The following TRIM32 variants were observed in gnomAD, a reference collection of about 807,000 sequenced individuals.
The protein encoded by TRIM32 is tripartite motif containing 32.
Under a neutral mutation model 36.0 loss-of-function variants are expected in TRIM32, and 19 were observed. The observed-to-expected ratio is 0.53, with a 90% confidence interval of 0.37 to 0.77. The LOEUF is 0.77. Ranked by LOEUF, TRIM32 falls within the 30% of genes least tolerant of loss-of-function variation. TRIM32 has a pLI of 0.00. For synonymous variants in TRIM32, 309 were observed against 318.5 expected (o/e 0.97, Z 0.32); for missense variants, 747 against 845.2 (o/e 0.88, Z 1.44).
chr9:116,690,053 T>A (rs1056915043), intron 1 of TRIM32, among the ~76,000 whole-genome samples: 2 of 152,170 alleles, frequency 1.3e-5, no homozygotes, highest in Non-Finnish European at 2.9e-5. Flanking sequence ...AGCTAGACTG[T>A]GTCTGACAGC....
intron 1 of TRIM32, among the ~76,000 whole-genome samples, chr9:116,690,157 A>G (rs1239049060): frequency 6.6e-6 from 1 of 152,196 alleles, no homozygotes; most frequent in Non-Finnish European, 1.5e-5. Flanking sequence ...CTAATTTCCT[A>G]TGTTACCTTG....
At position 116,698,156 on chromosome 9, in the gene TRIM32, CAAAG is replaced by C; in HGVS notation, c.417_420del (p.Glu140GlnfsTer13). On this transcript the variant is annotated frameshift_variant, in exon 2 of 2. Coordinates refer to ENST00000450136, the MANE Select transcript of TRIM32 (RefSeq NM_012210.4). LOFTEE classifies it high-confidence loss of function. This position sits in a 1 kb window ranked among gnomAD's most constrained non-coding sequence, Gnocchi z 4.4. Reference sequence around the variant, plus strand: ...CTCCTGGCCACTGTACACTCCCTGTCAAAGAAGCAGCTGAGGAGCGGCGTCGGGA... The same window carrying C: ...CTCCTGGCCACTGTACACTCCCTGTCAAGCAGCTGAGGAGCGGCGTCGGGA... 1 of 1,614,126 alleles carries C rather than the reference CAAAG, an allele frequency of 6.2e-7. No homozygotes were observed. The highest frequency in any genetic ancestry group is 8.5e-7 in the Non-Finnish European group (1 of 1,180,024).
At chr9:116,687,524 A>C (rs2132040241) in intron 1 of TRIM32, 143 bp downstream of exon 1, 1 of 30,934 alleles carries the variant, frequency 3.2e-5, no homozygotes, top group Admixed American at 4.6e-4. Flanking sequence ...TGGGGGGGGC[A>C]GGACTAGGGT....
At chr9:116,695,664 A>G (rs1860810040) in intron 1 of TRIM32, among the ~76,000 whole-genome samples, 1 of 152,204 alleles carries the variant, frequency 6.6e-6, no homozygotes, top group Non-Finnish European at 1.5e-5. Flanking sequence ...ATACAGCTGT[A>G]GGATTTGCGT....
chr9:116,699,608 A>G lies in TRIM32; in HGVS notation c.1866A>G (p.Ile622Met). 6.2e-7 allele frequency: 1 copy of G among 1,614,212 alleles called. No individual in the cohort carries two copies. The highest frequency in any genetic ancestry group is 8.5e-7 in the Non-Finnish European group (1 of 1,180,028). Residue 622 changes from isoleucine to methionine, a missense_variant, in exon 2 of 2, where the codon ATA (isoleucine) becomes ATG (methionine). Ile to Met is a conservative substitution (Grantham distance 10). Coordinates refer to ENST00000450136, the MANE Select transcript of TRIM32 (RefSeq NM_012210.4). This position sits in a 1 kb window ranked among gnomAD's most constrained non-coding sequence, Gnocchi z 4.2. ...AGGGACTTACCTGTCCGGTGGGCAT[A>G]GCCCTAACTCCTAAGGGGCAGCTGC... ...IREGLTCPVG[I>M]ALTPKGQLLV...
Position 116,687,384 on chromosome 9 carries a change from A to T in TRIM32, c.-82+3A>T. 86 of 115,158 alleles carry T rather than the reference A, an allele frequency of 7.5e-4. No individual in the cohort carries two copies. The highest frequency in any genetic ancestry group is 1.3e-3 in the Non-Finnish European group (80 of 62,024). The allele number at this position is 115,158 out of a possible 1,614,324, so 7.1% of individuals were successfully genotyped here. A position where few individuals can be genotyped will look rare whatever the true frequency, so the allele number is the denominator to read the frequency against. On this transcript the variant is annotated splice_donor_region_variant and intron_variant, in intron 1 of 1. Coordinates refer to ENST00000450136, the MANE Select transcript of TRIM32 (RefSeq NM_012210.4). ...TCGTCGGAGCCGCGGGCGGTCAGGTAGGGGGCGGGAAGGAGGGTTGGGGAC... is the reference window on the plus strand; with the variant it reads ...TCGTCGGAGCCGCGGGCGGTCAGGTTGGGGGCGGGAAGGAGGGTTGGGGAC...
Position 116,699,685 on chromosome 9 carries a change from G to A in TRIM32, c.1943G>A (p.Arg648Lys). 1.2e-6 allele frequency: 2 copies of A among 1,614,212 alleles called. No homozygotes were observed. Among genetic ancestry groups the A allele is most frequent in the South Asian group, 1.1e-5 (1 of 91,076 alleles). Reference protein sequence around the residue: ...HCIKIYSYHLRRYSTP With the variant: ...HCIKIYSYHLKRYSTP ...ATCAAGATCTACAGCTACCATCTGA[G>A]AAGATATTCCACCCCATAGGGGATG... The change falls in exon 2 of 2, where the codon AGA (arginine) becomes AAA (lysine). Residue 648 changes from arginine (R) to lysine (K), a missense_variant. Physicochemically the swap from Arg to Lys is conservative, Grantham distance 26. Coordinates refer to ENST00000450136, the MANE Select transcript of TRIM32 (RefSeq NM_012210.4). The surrounding 1 kb of genome is among the most constrained non-coding windows in gnomAD (Gnocchi z 4.2).
Position 116,698,558 on chromosome 9 carries a change from G to T in TRIM32, c.816G>T (p.Glu272Asp). 6.2e-7 allele frequency: 1 copy of T among 1,613,968 alleles called. No individual in the cohort carries two copies. Among genetic ancestry groups the T allele is most frequent in the Non-Finnish European group, 8.5e-7 (1 of 1,180,014 alleles). Residue 272 changes from glutamate (E) to aspartate (D), a missense_variant, in exon 2 of 2, where the codon GAG becomes GAT. Transcript: ENST00000450136. This position sits in a 1 kb window ranked among gnomAD's most constrained non-coding sequence, Gnocchi z 4.4. The stretch of plus-strand genomic sequence containing the variant: ...AGCTCACTGCCAGCTTGCCTCGGGA[G>T]CTCACCCTGCAAGATGTGGAGCTCC... Reference protein sequence around the residue: ...EPELTASLPRELTLQDVELLK... With the variant: ...EPELTASLPRDLTLQDVELLK...
intron 1 of TRIM32, among the ~76,000 whole-genome samples, chr9:116,695,477 G>C (rs1390161790): frequency 6.6e-6 from 1 of 152,188 alleles, no homozygotes; most frequent in Admixed American, 6.5e-5. Context: ...GTAGAAATTT[G>C]TTGTAATGTA....
rs2132072067 is a variant in TRIM32, at chr9:116,698,282, G to A, written c.540G>A (p.Arg180=). 1 of 1,614,164 alleles carries A rather than the reference G, an allele frequency of 6.2e-7. No homozygotes were observed. The highest frequency in any genetic ancestry group is 8.5e-7 in the Non-Finnish European group (1 of 1,180,026). The change falls in exon 2 of 2, where the codon AGG becomes AGA. Residue 180 remains arginine (R), a synonymous_variant. Transcript: ENST00000450136. This position sits in a 1 kb window ranked among gnomAD's most constrained non-coding sequence, Gnocchi z 4.4. ...GTGTCTCCAAGGACCTTCAGGCAAG[G>A]TATAAAGCAGTTCTCCAGGAGTATG... ...LEGVSKDLQA[R]YKAVLQEYGH...
In TRIM32 at chr9:116,698,610, C is replaced by T. The variant is rs1272966742; in HGVS notation, c.868C>T (p.Gln290Ter). ...LLKVGHVGPLQIGQAVKKPRT... is the reference protein window; with the variant it reads ...LLKVGHVGPL ...TAAGGTAGGTCATGTTGGCCCCCTC[C>T]AAATTGGACAAGCTGTTAAGAAGCC... The change falls in exon 2 of 2, where the codon CAA becomes TAA. Residue 290 changes from glutamine (Q) to a stop codon, truncating the protein, a stop_gained. Transcript: ENST00000450136. LOFTEE classifies it high-confidence loss of function. This position sits in a 1 kb window ranked among gnomAD's most constrained non-coding sequence, Gnocchi z 4.4. The T allele has an allele frequency of 1.9e-6, 3 of 1,614,098 alleles. No homozygotes were observed. Among genetic ancestry groups the T allele is most frequent in the Non-Finnish European group, 2.5e-6 (3 of 1,180,024 alleles).
chr9:116,687,846 G>A (rs928601831), intron 1 of TRIM32, among the ~76,000 whole-genome samples: 2 of 151,992 alleles, frequency 1.3e-5, no homozygotes, highest in African/African-American at 4.8e-5. Context: ...GAGATGATAG[G>A]AGCAAGGTCT....
rs764957636 is a variant in TRIM32 at position 116,698,003 on chromosome 9, T to C, written c.261T>C (p.Asp87=). 6.2e-7 allele frequency: 1 copy of C among 1,614,178 alleles called. No homozygotes were observed. The highest frequency in any genetic ancestry group is 8.5e-7 in the Non-Finnish European group (1 of 1,180,040). The part of the protein sequence containing the change: ...TDNLTVLKII[D]TAGLSEAVGL... ...ATCTGACAGTGCTAAAGATCATTGA[T>C]ACAGCTGGGCTCAGCGAGGCTGTGG... Residue 87 remains aspartate, a synonymous_variant, in exon 2 of 2, where the codon GAT becomes GAC. Transcript: ENST00000450136. This position sits in a 1 kb window ranked among gnomAD's most constrained non-coding sequence, Gnocchi z 4.4.
intron 1 of TRIM32, among the ~76,000 whole-genome samples, chr9:116,694,511 G>C (rs1860739791): frequency 7.7e-6 from 1 of 129,536 alleles, no homozygotes; most frequent in Non-Finnish European, 1.5e-5. Flanking sequence ...ACCCAGTCTG[G>C]AGTGCAGTGG....
chr9:116,692,752 A>G (rs144587882), intron 1 of TRIM32, among the ~76,000 whole-genome samples: 4 of 152,192 alleles, frequency 2.6e-5, no homozygotes, highest in Non-Finnish European at 4.4e-5. Context: ...TTTCTCATCT[A>G]TTTTACAACT....
chr9:116,692,049 C>T (rs193133240), intron 1 of TRIM32, among the ~76,000 whole-genome samples: 13 of 152,316 alleles, frequency 8.5e-5, no homozygotes, highest in Admixed American at 2.0e-4. Flanking sequence ...GTACCGTTCA[C>T]AGGGCCAGAC....
At chr9:116,696,521 T>A (rs1860861673) in intron 1 of TRIM32, among the ~76,000 whole-genome samples, 1 of 152,212 alleles carries the variant, frequency 6.6e-6, no homozygotes, top group African/African-American at 2.4e-5. Flanking sequence ...TTTTGCCCAC[T>A]TCTTTCTTCC....
In TRIM32 at chr9:116,699,929, C is replaced by G; in HGVS notation, c.*225C>G. 2 of 643,302 alleles carry G rather than the reference C, an allele frequency of 3.1e-6. No homozygotes were observed. The highest frequency in any genetic ancestry group is 5.4e-6 in the Non-Finnish European group (2 of 367,302). The allele number at this position is 643,302 out of a possible 1,614,324, so 39.8% of individuals were successfully genotyped here. On this transcript the variant is annotated 3_prime_UTR_variant, in exon 2 of 2. Coordinates refer to ENST00000450136, the MANE Select transcript of TRIM32 (RefSeq NM_012210.4). The surrounding 1 kb of genome is among the most constrained non-coding windows in gnomAD (Gnocchi z 4.2). ...TAAAAGATGCACTGCCCAAATAGGA[C>G]ACACGATGGTGTTAGCTGAAGTTTG...
chr9:116,689,434 C>T (rs1347693179), intron 1 of TRIM32, among the ~76,000 whole-genome samples: 1 of 152,132 alleles, frequency 6.6e-6, no homozygotes, highest in Non-Finnish European at 1.5e-5. Context: ...CTTGTATCTA[C>T]TTCTTTACTC....
Sources: gnomAD v4.1 joint callset for allele counts (sites outside exome capture counted in the v4.1 genomes callset) on GRCh38, gnomAD v4.1.1 for gene constraint, Gnocchi (gnomAD v3.1) non-coding constraint, MANE v1.5 for transcripts, NCBI Gene and HGNC (gene_info 2026-07-23, HGNC 2026-07-21) for gene names.